BMAL1: variants seen among roughly 807,000 people sequenced by gnomAD.
BMAL1 encodes basic helix-loop-helix ARNT-like protein 1.
the BMAL1 span, among the ~76,000 whole-genome samples, chr11:13,325,770 G>A: frequency 6.6e-6 from 1 of 151,514 alleles, no homozygotes; most frequent in East Asian, 1.9e-4. Context: ...CTCTGAGTAA[G>A]CACATTATTT....
At chr11:13,352,760 C>A in the BMAL1 span, among the ~76,000 whole-genome samples, 5 of 152,216 alleles carry the variant, frequency 3.3e-5, no homozygotes, top group African/African-American at 1.2e-4. Flanking sequence ...ACTTATCTGT[C>A]GGCCTAACAG....
the BMAL1 span, among the ~76,000 whole-genome samples, chr11:13,345,016 T>C: frequency 6.6e-6 from 1 of 152,186 alleles, no homozygotes; most frequent in Non-Finnish European, 1.5e-5. Flanking sequence ...TGTGGAGAAG[T>C]AGATCAGTAA....
chr11:13,306,873 T>G, the BMAL1 span, among the ~76,000 whole-genome samples: 1 of 152,242 alleles, frequency 6.6e-6, no homozygotes, highest in Non-Finnish European at 1.5e-5. Flanking sequence ...CTTTGTGTGT[T>G]GGCATCAGAC....
chr11:13,386,895 T>TA, the BMAL1 span: 7 of 971,642 alleles, frequency 7.2e-6, no homozygotes, highest in Admixed American at 3.2e-5. Context: ...GAGCCATTGA[T>TA]ACAAGTCAAT....
chr11:13,372,056 T>C, the BMAL1 span: 5 of 1,458,304 alleles, frequency 3.4e-6, no homozygotes, highest in Non-Finnish European at 4.6e-6. Context: ...AGCCTTGATT[T>C]TTTTTTATTT....
At chr11:13,358,207 C>A in the BMAL1 span, among the ~76,000 whole-genome samples, 1 of 152,168 alleles carries the variant, frequency 6.6e-6, no homozygotes, top group East Asian at 1.9e-4. Flanking sequence ...TAGCTTTTCT[C>A]CTGAATTCTA....
chr11:13,354,224 C>A, the BMAL1 span: 1 of 1,223,916 alleles, frequency 8.2e-7, no homozygotes, highest in Non-Finnish European at 1.1e-6. Flanking sequence ...AACCCCCAAG[C>A]ACCAACCTGG....
chr11:13,354,564 C>T, the BMAL1 span: 10 of 1,403,186 alleles, frequency 7.1e-6, no homozygotes, highest in Non-Finnish European at 8.5e-6. Context: ...AATAAAAAAC[C>T]CAACTCTAGG....
chr11:13,337,063 A>G, the BMAL1 span, among the ~76,000 whole-genome samples: 1 of 152,250 alleles, frequency 6.6e-6, no homozygotes, highest in Non-Finnish European at 1.5e-5. Flanking sequence ...AAATTGAAAG[A>G]TGAAAATCAC....
the BMAL1 span, among the ~76,000 whole-genome samples, chr11:13,288,429 T>TC: frequency 0.015 from 1,525 of 104,722 alleles, 42 homozygotes; most frequent in East Asian, 0.045. Context: ...TTTTTCTTTT[T>TC]TTTTTTTTTG....
chr11:13,372,521 A>C, the BMAL1 span: 27 of 1,500,734 alleles, frequency 1.8e-5, no homozygotes, highest in African/African-American at 3.3e-4. Flanking sequence ...TGAAGAAAGA[A>C]AGAAAAAGCT....
At chr11:13,297,406 A>G in the BMAL1 span, among the ~76,000 whole-genome samples, 1 of 152,216 alleles carries the variant, frequency 6.6e-6, no homozygotes, top group Middle Eastern at 3.2e-3. Flanking sequence ...CAAGAAAATA[A>G]TACTTGATTT....
At chr11:13,281,807 G>T in the BMAL1 span, among the ~76,000 whole-genome samples, 1 of 152,222 alleles carries the variant, frequency 6.6e-6, no homozygotes, top group Non-Finnish European at 1.5e-5. Context: ...ACTGTGCTCA[G>T]CCCCTTTGAA....
the BMAL1 span, among the ~76,000 whole-genome samples, chr11:13,355,507 A>G: frequency 6.6e-6 from 1 of 152,180 alleles, no homozygotes; most frequent in Non-Finnish European, 1.5e-5. Context: ...CAGCCTGGTC[A>G]CCACCCAAGA....
chr11:13,350,191 A>G, the BMAL1 span: 1 of 152,132 alleles, frequency 6.6e-6, no homozygotes, highest in East Asian at 1.9e-4. Flanking sequence ...GGGGTATTCT[A>G]CCTCATGCGG....
the BMAL1 span, among the ~76,000 whole-genome samples, chr11:13,307,047 G>C: frequency 6.6e-6 from 1 of 152,188 alleles, no homozygotes; most frequent in Non-Finnish European, 1.5e-5. Flanking sequence ...CTTTGGACCC[G>C]TCACTGTTGC....
chr11:13,290,546 A>T, the BMAL1 span, among the ~76,000 whole-genome samples: 1 of 146,238 alleles, frequency 6.8e-6, no homozygotes, highest in Non-Finnish European at 1.5e-5. Flanking sequence ...TTCTGCCAGC[A>T]TTACAAGTGT....
At chr11:13,302,125 G>A in the BMAL1 span, among the ~76,000 whole-genome samples, 1 of 152,300 alleles carries the variant, frequency 6.6e-6, no homozygotes, top group African/African-American at 2.4e-5. Context: ...ATGGGAGGAG[G>A]GTTTGGTGAG....
At chr11:13,327,677 G>C in the BMAL1 span, among the ~76,000 whole-genome samples, 1 of 152,140 alleles carries the variant, frequency 6.6e-6, no homozygotes, top group Non-Finnish European at 1.5e-5. Context: ...TACCATCATC[G>C]TGTTTACTGT....
Sources: gnomAD v4.1 joint callset for allele counts (sites outside exome capture counted in the v4.1 genomes callset) on GRCh38, gnomAD v4.1.1 for gene constraint, MANE v1.5 for transcripts, NCBI Gene and HGNC (gene_info 2026-07-23, HGNC 2026-07-21) for gene names.